IL23R: variants seen among roughly 807,000 people sequenced by gnomAD.
The protein encoded by IL23R is interleukin-23 receptor.
Under a neutral mutation model 56.9 loss-of-function variants are expected in IL23R, and 34 were observed. That is an observed-to-expected ratio of 0.60 (90% CI 0.45 to 0.80). The LOEUF is 0.80. Among genes scored for constraint, IL23R ranks in the 30% least tolerant of loss-of-function variants. The probability of loss-of-function intolerance (pLI) is 0.00; values close to 1 mark genes in which losing one functional copy is unlikely to be tolerated. For missense variants in IL23R, 635 were observed against 730.0 expected (o/e 0.87, Z 1.50); for synonymous variants, 230 against 249.2 (o/e 0.92, Z 0.73).
At chr1:67,216,266 AT>A (rs1194265970) in intron 6 of IL23R, among the ~76,000 whole-genome samples, 1 of 152,166 alleles carries the variant, frequency 6.6e-6, no homozygotes, top group East Asian at 1.9e-4. Context: ...TGCCATGATC[AT>A]TTTTTGCATC....
At position 67,176,588 on chromosome 1, in the gene IL23R, A is replaced by G. The variant is rs1436255624; in HGVS notation, c.368-6248A>G. On this transcript the variant is annotated intron_variant, in intron 3 of 10. Coordinates refer to ENST00000347310, the MANE Select transcript of IL23R (RefSeq NM_144701.3). ...ATGATTAGGTAAGCAATCAATGTTT[A>G]TAATTGCATCACAACTTTTCTGGCC... 2.6e-5 allele frequency among the ~76,000 whole-genome samples: 4 copies of G among 152,280 alleles called. No individual in the cohort carries two copies. In the East Asian group the frequency reaches 7.7e-4, roughly 29 times the overall value.
At chr1:67,183,121 T>C (rs184718618) in intron 4 of IL23R, among the ~76,000 whole-genome samples, 162 bp downstream of exon 4, 2 of 152,368 alleles carry the variant, frequency 1.3e-5, no homozygotes, top group African/African-American at 4.8e-5. Context: ...AAAGCCCTTT[T>C]CAAGCCATTA....
At chr1:67,178,434 T>C (rs531896817) in intron 3 of IL23R, among the ~76,000 whole-genome samples, 5 of 152,334 alleles carry the variant, frequency 3.3e-5, no homozygotes, top group African/African-American at 1.2e-4. Flanking sequence ...GTTATTGGTG[T>C]ATAAGAATGC....
intron 9 of IL23R, among the ~76,000 whole-genome samples, chr1:67,251,645 G>A (rs746255949): frequency 6.6e-6 from 1 of 152,090 alleles, no homozygotes; most frequent in Non-Finnish European, 1.5e-5. Flanking sequence ...GGTGCTCAGA[G>A]AAAGGAAAAT....
chr1:67,234,619 A>G (rs1651339242), intron 7 of IL23R, among the ~76,000 whole-genome samples: 2 of 152,230 alleles, frequency 1.3e-5, no homozygotes, highest in African/African-American at 4.8e-5. Context: ...ATAAAAGTGA[A>G]AACAAAAATA....
chr1:67,167,630 G>A (rs1470444451), intron 1 of IL23R, among the ~76,000 whole-genome samples: 2 of 152,198 alleles, frequency 1.3e-5, no homozygotes, highest in East Asian at 3.9e-4. Flanking sequence ...AGGTTGAGTT[G>A]GGAGGACCGC....
At chr1:67,153,323 T>C (rs1646744362) in intron 1 of IL23R, among the ~76,000 whole-genome samples, 2 of 152,188 alleles carry the variant, frequency 1.3e-5, no homozygotes, top group Admixed American at 1.3e-4. Context: ...TTGTGTCTAT[T>C]TGACTCTTCT....
At chr1:67,222,102 C>CTTTCTTTTTTTTTTTTT (rs1440089182) in intron 7 of IL23R, among the ~76,000 whole-genome samples, 3 of 58,892 alleles carry the variant, frequency 5.1e-5, no homozygotes, top group African/African-American at 1.9e-4. Context: ...TTCTTTCTTT[C>CTTTCTTTTTTTTTTTTT]TTTTTTTTTT....
At chr1:67,208,989 C>T (rs1649268173) in intron 6 of IL23R, among the ~76,000 whole-genome samples, 1 of 152,180 alleles carries the variant, frequency 6.6e-6, no homozygotes, top group Non-Finnish European at 1.5e-5. Flanking sequence ...CTTTTATCAG[C>T]ATAACCTGGA....
intron 1 of IL23R, among the ~76,000 whole-genome samples, chr1:67,147,830 T>C (rs1041064312): frequency 1.3e-5 from 2 of 152,222 alleles, no homozygotes; most frequent in Admixed American, 6.5e-5. Flanking sequence ...TAATACTACA[T>C]TGGATACCTA....
At chr1:67,223,158 G>A (rs1331464132) in intron 7 of IL23R, among the ~76,000 whole-genome samples, 1 of 152,132 alleles carries the variant, frequency 6.6e-6, no homozygotes, top group Non-Finnish European at 1.5e-5. Flanking sequence ...GGAGGCTGAG[G>A]CAGGAGAATC....
chr1:67,158,332 A>C (rs2102540848), intron 1 of IL23R, among the ~76,000 whole-genome samples: 1 of 152,350 alleles, frequency 6.6e-6, no homozygotes, highest in African/African-American at 2.4e-5. Context: ...CCCAGGAAAG[A>C]ATTCAAGGGT....
chr1:67,240,081 T>G, intron 8 of IL23R, 98 bp from the exon 9 acceptor site: 1 of 897,316 alleles, frequency 1.1e-6, no homozygotes, highest in Non-Finnish European at 1.8e-6. Flanking sequence ...CCTTTCTCCT[T>G]TGAGACCTTT....
chr1:67,139,203 T>C (rs1275060335), intron 1 of IL23R: 1 of 152,176 alleles, frequency 6.6e-6, no homozygotes, highest in African/African-American at 2.4e-5. Flanking sequence ...TTTATTTTTC[T>C]ATAGAAGTAA....
chr1:67,254,345 A>G (rs949456502), intron 9 of IL23R, among the ~76,000 whole-genome samples: 31 of 152,036 alleles, frequency 2.0e-4, no homozygotes, highest in Admixed American at 2.0e-4. Flanking sequence ...TTGGGATTAC[A>G]GGTGTGAGCC....
intron 7 of IL23R, among the ~76,000 whole-genome samples, chr1:67,235,438 GGCCGGAGT>G (rs1651410650): frequency 6.6e-6 from 1 of 150,624 alleles, no homozygotes; most frequent in South Asian, 2.1e-4. Context: ...CTGTCACCCA[GGCCGGAGT>G]GCTATGGCAC....
At chr1:67,214,557 T>C (rs1456562942) in intron 6 of IL23R, among the ~76,000 whole-genome samples, 1 of 152,230 alleles carries the variant, frequency 6.6e-6, no homozygotes, top group African/African-American at 2.4e-5. Context: ...AGATGGCCTA[T>C]GTAGCACCAC....
At chr1:67,147,590 C>T (rs984172530) in intron 1 of IL23R, among the ~76,000 whole-genome samples, 4 of 152,000 alleles carry the variant, frequency 2.6e-5, no homozygotes, top group Admixed American at 2.6e-4. Context: ...ATCCCAGCTA[C>T]TCAGGAGGCT....
chr1:67,252,955 G>T (rs1652729427), intron 9 of IL23R, among the ~76,000 whole-genome samples: 2 of 152,166 alleles, frequency 1.3e-5, no homozygotes. Flanking sequence ...CACTGGGATT[G>T]GCCAAGACTC....
Sources: gnomAD v4.1 joint callset for allele counts (sites outside exome capture counted in the v4.1 genomes callset) on GRCh38, gnomAD v4.1.1 for gene constraint, MANE v1.5 for transcripts, NCBI Gene and HGNC (gene_info 2026-07-23, HGNC 2026-07-21) for gene names.